Variants in SCN11A observed in about 807,000 individuals in gnomAD.
SCN11A encodes the protein sodium channel protein type 11 subunit alpha.
In SCN11A, 122 loss-of-function variants were observed where a neutral mutation model predicts 162.2. That is an observed-to-expected ratio of 0.75 (90% confidence interval 0.65 to 0.87). The LOEUF (loss-of-function observed/expected upper bound fraction) is 0.87, where lower values mean the gene tolerates loss of function less well. Ranked by LOEUF, SCN11A falls within the 40% of genes least tolerant of loss-of-function variation. The pLI is 0.00. For synonymous variants in SCN11A, 758 were observed against 751.5 expected, an observed-to-expected ratio of 1.01 and a Z score of -0.14; for missense variants, 2,015 against 2,181.6, an observed-to-expected ratio of 0.92 and a Z score of 1.52.
chr3:38,911,322 T>G (rs1160787752), intron 11 of SCN11A, among the ~76,000 whole-genome samples: 1 of 152,226 alleles, frequency 6.6e-6, no homozygotes, highest in Non-Finnish European at 1.5e-5. Context: ...GTTGGAAGTT[T>G]TTCCTTAGCA....
Position 38,850,418 on chromosome 3 carries a change from A to G in SCN11A, c.4327+63T>C, listed in dbSNP as rs191412779. On this transcript the variant is annotated intron_variant, in intron 29 of 29. Coordinates refer to ENST00000302328, the MANE Select transcript of SCN11A (RefSeq NM_001349253.2). ...GGATAGTTTGAACAAACTTCAAAAA[A>G]TGATAAGATTTACAAACTTACTTCT... 1.1e-4 allele frequency: 161 copies of G among 1,458,868 alleles called. 1 individual carries two copies. In the African/African-American group the frequency reaches 2.1e-3, roughly 19 times the overall value. 90.4% of individuals were successfully genotyped at this position (1,458,868 alleles called of 1,614,324 possible).
At chr3:38,887,077 A>C (rs1245102252) in intron 19 of SCN11A, among the ~76,000 whole-genome samples, 3 of 152,060 alleles carry the variant, frequency 2.0e-5, no homozygotes, top group Non-Finnish European at 4.4e-5. Flanking sequence ...TACCTTATGC[A>C]CATTTATTTA....
At chr3:38,939,654 A>T (rs1390474501) in intron 7 of SCN11A, among the ~76,000 whole-genome samples, 1 of 152,170 alleles carries the variant, frequency 6.6e-6, no homozygotes, top group Non-Finnish European at 1.5e-5. Flanking sequence ...CTGTAATCCC[A>T]GCACTTTGGG....
rs1553644473 is a variant in SCN11A, at chr3:38,950,078, C to CGCCCCCCCCCCCG, written c.267+17_267+18insCGGGGGGGGGGGC. 1 of 139,974 alleles carries CGCCCCCCCCCCCG rather than the reference C, an allele frequency of 7.1e-6. No individual in the cohort carries two copies. Among genetic ancestry groups the CGCCCCCCCCCCCG allele is most frequent in the African/African-American group, 3.6e-5 (1 of 27,720 alleles). The allele number at this position is 139,974 out of a possible 1,614,324, so 8.7% of individuals were successfully genotyped here. On this transcript the variant is annotated intron_variant, in intron 5 of 29. Coordinates refer to ENST00000302328, the MANE Select transcript of SCN11A (RefSeq NM_001349253.2). Reference sequence around the variant, plus strand: ...GAACACCCCCACCCCCACCCCCCCCCCCCGCCCAATGAAGTACCTTATGAT... The same window carrying CGCCCCCCCCCCCG: ...GAACACCCCCACCCCCACCCCCCCCCGCCCCCCCCCCCGCCCGCCCAATGAAGTACCTTATGAT...
intron 2 of SCN11A, among the ~76,000 whole-genome samples, chr3:39,019,248 A>G (rs2031380470): frequency 7.2e-5 from 11 of 152,120 alleles, no homozygotes; most frequent in Admixed American, 7.2e-4. Context: ...ATGTCCGATA[A>G]TGGATGGCTG....
chr3:38,858,798 G>C (rs1430249313), intron 28 of SCN11A, among the ~76,000 whole-genome samples: 1 of 151,900 alleles, frequency 6.6e-6, no homozygotes, highest in Non-Finnish European at 1.5e-5. Context: ...ATAAATTTAA[G>C]AAAATCGAAA....
At chr3:38,970,249 C>A (rs1416347792) in intron 2 of SCN11A, among the ~76,000 whole-genome samples, 1 of 152,204 alleles carries the variant, frequency 6.6e-6, no homozygotes, top group African/African-American at 2.4e-5. Flanking sequence ...TCTTTCCTCT[C>A]AGGAATGAAA....
chr3:38,878,711 C>T (rs946797174), intron 23 of SCN11A, among the ~76,000 whole-genome samples: 2 of 152,026 alleles, frequency 1.3e-5, no homozygotes, highest in African/African-American at 2.4e-5. Context: ...TGTCTCTGAG[C>T]CTCTGGTTTT....
At chr3:38,927,022 T>G in intron 7 of SCN11A, 91 bp from the exon 8 acceptor site, 1 of 1,285,878 alleles carries the variant, frequency 7.8e-7, no homozygotes, top group Non-Finnish European at 1.1e-6. Flanking sequence ...TGATTTTTTT[T>G]TCCATTTCAA....
chr3:38,866,281 C>T (rs557399949), intron 27 of SCN11A, among the ~76,000 whole-genome samples: 6 of 151,298 alleles, frequency 4.0e-5, no homozygotes, highest in African/African-American at 7.3e-5. Flanking sequence ...TGCAGTGGAG[C>T]GATCTCGGCT....
chr3:38,934,011 C>T (rs1256017723), intron 7 of SCN11A, among the ~76,000 whole-genome samples: 1 of 152,234 alleles, frequency 6.6e-6, no homozygotes, highest in Non-Finnish European at 1.5e-5. Context: ...GCCCATCAGA[C>T]TAACAGCAGA....
chr3:38,871,067 C>A (rs1287885885), intron 25 of SCN11A, among the ~76,000 whole-genome samples: 1 of 152,174 alleles, frequency 6.6e-6, no homozygotes, highest in Admixed American at 6.5e-5. Flanking sequence ...TTTTCTGATG[C>A]CATATGTATT....
At chr3:38,866,179 T>G (rs886187807) in intron 27 of SCN11A, among the ~76,000 whole-genome samples, 1 of 151,948 alleles carries the variant, frequency 6.6e-6, no homozygotes, top group African/African-American at 2.4e-5. Context: ...ATCCATAATA[T>G]GCAATGTAAT....
intron 8 of SCN11A, 33 bp downstream of exon 8, chr3:38,926,770 A>T (rs762175378): frequency 1.2e-6 from 2 of 1,606,782 alleles, no homozygotes; most frequent in Non-Finnish European, 1.7e-6. Flanking sequence ...TTCCCACTCC[A>T]AGTCTCTTCA....
intron 1 of SCN11A, among the ~76,000 whole-genome samples, chr3:39,049,965 A>G (rs1418611563): frequency 6.6e-6 from 1 of 152,218 alleles, no homozygotes; most frequent in Non-Finnish European, 1.5e-5. Flanking sequence ...TTTCAGGTCC[A>G]AAGCAGGACT....
intron 3 of SCN11A, among the ~76,000 whole-genome samples, chr3:38,954,994 A>C (rs533834355): frequency 1.3e-5 from 2 of 152,178 alleles, no homozygotes; most frequent in East Asian, 3.9e-4. Context: ...TCTCAAAAAA[A>C]GAAAAGAAAA....
intron 21 of SCN11A, among the ~76,000 whole-genome samples, chr3:38,883,966 T>G (rs2065352533): frequency 6.6e-6 from 1 of 152,232 alleles, no homozygotes. Context: ...CGAAAGAATT[T>G]GATCAAATGT....
At chr3:38,915,340 AT>A (rs913862710) in intron 11 of SCN11A, among the ~76,000 whole-genome samples, 5 of 151,442 alleles carry the variant, frequency 3.3e-5, no homozygotes, top group African/African-American at 9.7e-5. Context: ...GGATTTCCTT[AT>A]TTTTTGTCTT....
At chr3:38,969,722 A>G (rs1406469293) in intron 2 of SCN11A, among the ~76,000 whole-genome samples, 2 of 152,232 alleles carry the variant, frequency 1.3e-5, no homozygotes, top group Non-Finnish European at 2.9e-5. Context: ...CTGGAAACGA[A>G]TTCACAATGT....
Sources: allele counts gnomAD v4.1 joint callset (sites outside exome capture counted in the v4.1 genomes callset), GRCh38; gene constraint gnomAD v4.1.1; transcripts MANE v1.5; gene names NCBI Gene and HGNC (gene_info 2026-07-23, HGNC 2026-07-21).